ERC2: variants seen among roughly 807,000 people sequenced by gnomAD.
ERC2 encodes the protein ERC protein 2.
In ERC2, 42 loss-of-function variants were observed where a neutral mutation model predicts 114.8. That is an observed-to-expected ratio of 0.37 (90% CI 0.29 to 0.47). ERC2 has a LOEUF of 0.47. Among genes scored for constraint, ERC2 ranks in the 20% least tolerant of loss-of-function variants. ERC2 has a pLI of 0.99. For synonymous variants in ERC2, 454 were observed against 425.5 expected (o/e 1.07, Z -0.82); for missense variants, 939 against 1,150.7 (o/e 0.82, Z 2.66).
chr3:55,876,475 A>C (rs1199330950), intron 14 of ERC2, among the ~76,000 whole-genome samples: 1 of 152,202 alleles, frequency 6.6e-6, no homozygotes, highest in African/African-American at 2.4e-5. Context: ...CTAAATGAAC[A>C]TTGTAAGAAG....
intron 3 of ERC2, among the ~76,000 whole-genome samples, chr3:56,259,307 T>A (rs1026774457): frequency 1.3e-5 from 2 of 152,160 alleles, no homozygotes; most frequent in Non-Finnish European, 2.9e-5. Flanking sequence ...ATCATGATCA[T>A]CTCAAATGTA....
At chr3:55,644,270 G>C (rs116786299) in intron 17 of ERC2, among the ~76,000 whole-genome samples, 1 of 152,104 alleles carries the variant, frequency 6.6e-6, no homozygotes. Flanking sequence ...TAGAAAACAC[G>C]TCAAAAGTTA....
chr3:56,182,777 T>C (rs1484903657), intron 3 of ERC2, among the ~76,000 whole-genome samples: 2 of 152,234 alleles, frequency 1.3e-5, no homozygotes, highest in Non-Finnish European at 2.9e-5. Context: ...GACACCTCCA[T>C]TGGCTTCTTT....
chr3:55,611,133 A>G (rs1246198125), intron 17 of ERC2, among the ~76,000 whole-genome samples: 1 of 152,280 alleles, frequency 6.6e-6, no homozygotes, highest in African/African-American at 2.4e-5. Flanking sequence ...TGATGGATTT[A>G]TAGAATATTT....
At chr3:56,370,676 C>T (rs2059332079) in intron 2 of ERC2, among the ~76,000 whole-genome samples, 1 of 148,886 alleles carries the variant, frequency 6.7e-6, no homozygotes, top group Non-Finnish European at 1.5e-5. Flanking sequence ...CTCACTGCAA[C>T]CTCCGCCTCC....
intron 2 of ERC2, among the ~76,000 whole-genome samples, chr3:56,308,723 G>A (rs192468185): frequency 5.7e-4 from 87 of 152,014 alleles, no homozygotes; most frequent in Middle Eastern, 3.4e-3. Flanking sequence ...GCAGCTTAGG[G>A]TTTCATTGCT....
intron 14 of ERC2, among the ~76,000 whole-genome samples, chr3:55,859,673 T>G: frequency 6.6e-6 from 1 of 151,456 alleles, no homozygotes; most frequent in African/African-American, 2.4e-5. Context: ...TGCCCAAGAC[T>G]CTCCTCCCAC....
intron 17 of ERC2, among the ~76,000 whole-genome samples, chr3:55,518,839 C>T (rs575752970): frequency 2.4e-4 from 36 of 152,178 alleles, no homozygotes; most frequent in South Asian, 2.3e-3. Flanking sequence ...TAAACACAAC[C>T]GATAGAACAA....
intron 13 of ERC2, among the ~76,000 whole-genome samples, chr3:55,912,466 C>T (rs570144767): frequency 1.7e-4 from 26 of 152,122 alleles, no homozygotes; most frequent in Non-Finnish European, 3.5e-4. Flanking sequence ...AATGCCTTGT[C>T]TTTATTATTA....
chr3:55,824,211 AG>A (rs1301146060), intron 14 of ERC2, among the ~76,000 whole-genome samples: 1 of 152,192 alleles, frequency 6.6e-6, no homozygotes, highest in African/African-American at 2.4e-5. Flanking sequence ...CCTACAACAT[AG>A]AATTGAGGGG....
intron 3 of ERC2, among the ~76,000 whole-genome samples, chr3:56,195,437 G>A (rs1481457324): frequency 1.3e-5 from 2 of 152,082 alleles, no homozygotes; most frequent in Non-Finnish European, 2.9e-5. Context: ...AAGAAAAATC[G>A]TGGATAAGGG....
At chr3:55,962,326 C>T (rs777480734) in intron 12 of ERC2, among the ~76,000 whole-genome samples, 1 of 152,242 alleles carries the variant, frequency 6.6e-6, no homozygotes, top group Non-Finnish European at 1.5e-5. Flanking sequence ...ATATCTTAGA[C>T]TTCACAGGCC....
At chr3:55,966,553 T>C (rs2068761817) in intron 12 of ERC2, among the ~76,000 whole-genome samples, 1 of 152,094 alleles carries the variant, frequency 6.6e-6, no homozygotes, top group Admixed American at 6.6e-5. Context: ...GACAATCTTA[T>C]GACATAGATA....
At position 55,719,537 on chromosome 3, in the gene ERC2, G is replaced by A. The variant is rs569065514; in HGVS notation, c.2712+15234C>T. Among the ~76,000 whole-genome samples the A allele has an allele frequency of 1.3e-4, 20 of 152,252 alleles. No homozygotes were observed. The South Asian group carries it at 3.5e-3, about 27-fold the overall frequency. Reference sequence around the variant, plus strand: ...GAGGAAGATTAAGACTCCTAAACTTGGGGCTAGCAGCTCTGGTTGGGTCTG... The same window carrying A: ...GAGGAAGATTAAGACTCCTAAACTTAGGGCTAGCAGCTCTGGTTGGGTCTG... On this transcript the variant is annotated intron_variant, in intron 15 of 17. Transcript: ENST00000288221.
At chr3:56,343,117 G>C (rs1361808181) in intron 2 of ERC2, among the ~76,000 whole-genome samples, 1 of 151,442 alleles carries the variant, frequency 6.6e-6, no homozygotes, top group East Asian at 1.9e-4. Context: ...ATTTGGATTT[G>C]TCCTTAAAGA....
At chr3:56,222,597 T>C (rs574170388) in intron 3 of ERC2, among the ~76,000 whole-genome samples, 2 of 152,278 alleles carry the variant, frequency 1.3e-5, no homozygotes, top group Admixed American at 6.5e-5. Flanking sequence ...AACCATCTAC[T>C]CATAAGTACT....
At chr3:55,607,966 C>G (rs902234677) in intron 17 of ERC2, 2 of 152,124 alleles carry the variant, frequency 1.3e-5, no homozygotes, top group African/African-American at 4.8e-5. Context: ...TGAAGCCAAT[C>G]TTGTCAGGAG....
rs190488380 is a variant in ERC2, at chr3:56,064,566, C to T, written c.1641+16251G>A. Among the ~76,000 whole-genome samples the T allele has an allele frequency of 9.8e-5, 15 of 152,348 alleles. No homozygotes were observed. In the East Asian group the frequency reaches 1.9e-3, roughly 20 times the overall value. On this transcript the variant is annotated intron_variant, in intron 7 of 17. Transcript: ENST00000288221. ...TTCACAAAAAAGCTACAGAACGCAA[C>T]AGAAACTAAGGAAGACCTCACCCTT...
rs141689186 is a variant in ERC2, at chr3:55,744,726, C to G, written c.2565-9808G>C. Among the ~76,000 whole-genome samples, 15 of 152,338 alleles carry G rather than the reference C, an allele frequency of 9.8e-5. 1 individual carries two copies. The highest frequency in any genetic ancestry group is 3.4e-4 in the African/African-American group (14 of 41,590). On this transcript the variant is annotated intron_variant, in intron 14 of 17. Coordinates refer to ENST00000288221, the MANE Select transcript of ERC2 (RefSeq NM_015576.3). The stretch of plus-strand genomic sequence containing the variant: ...GCTCCCACCCTGTGGAGTGTACTTT[C>G]ATTTTCAATAAATCCCTGCTTTCAT...
Sources: gnomAD v4.1 joint callset for allele counts (sites outside exome capture counted in the v4.1 genomes callset) on GRCh38, gnomAD v4.1.1 for gene constraint, MANE v1.5 for transcripts, NCBI Gene and HGNC (gene_info 2026-07-23, HGNC 2026-07-21) for gene names.